SCN8A: variants seen among roughly 807,000 people sequenced by gnomAD.
SCN8A encodes the protein sodium channel protein type 8 subunit alpha.
SCN8A carries 30 observed loss-of-function variants against 184.1 expected under a neutral mutation model. The observed-to-expected ratio is 0.16, with a 90% confidence interval of 0.12 to 0.22. SCN8A has a LOEUF of 0.22. Among genes scored for constraint, SCN8A ranks in the 10% least tolerant of loss-of-function variants. The pLI is 1.00. For missense variants in SCN8A, 1,057 were observed against 2,498.9 expected (o/e 0.42, Z 12.30); for synonymous variants, 852 against 907.0 (o/e 0.94, Z 1.09).
At chr12:51,704,765 G>A (rs1941752477) in intron 9 of SCN8A, among the ~76,000 whole-genome samples, 1 of 151,058 alleles carries the variant, frequency 6.6e-6, no homozygotes, top group Non-Finnish European at 1.5e-5. Context: ...ATGAGGTCAG[G>A]AGCTCAAGAC....
intron 13 of SCN8A, among the ~76,000 whole-genome samples, chr12:51,748,657 A>C (rs897740061): frequency 2.0e-5 from 3 of 152,216 alleles, no homozygotes; most frequent in African/African-American, 7.2e-5. Flanking sequence ...AACAATTCCA[A>C]AAACTCCCCT....
At chr12:51,712,770 A>C (rs969531802) in intron 11 of SCN8A, 31 of 1,181,616 alleles carry the variant, frequency 2.6e-5, no homozygotes, top group Non-Finnish European at 3.8e-5. Flanking sequence ...AACCAGGACC[A>C]CCAGCATAGT....
intron 26 of SCN8A, among the ~76,000 whole-genome samples, chr12:51,796,749 G>C (rs2138923582): frequency 1.3e-5 from 2 of 152,264 alleles, no homozygotes; most frequent in Admixed American, 1.3e-4. Flanking sequence ...CTTTGGTCTG[G>C]CCAAAGGCCA....
intron 1 of SCN8A, among the ~76,000 whole-genome samples, chr12:51,634,277 G>A (rs182920058): frequency 2.0e-5 from 3 of 152,288 alleles, no homozygotes; most frequent in Admixed American, 6.5e-5. Context: ...TGTTTATATG[G>A]CAATAATACA....
At chr12:51,653,189 AGGCACCTGTAGTCCCAGCTACTTG>A (rs1940753831) in intron 1 of SCN8A, among the ~76,000 whole-genome samples, 1 of 152,118 alleles carries the variant, frequency 6.6e-6, no homozygotes, top group Non-Finnish European at 1.5e-5. Flanking sequence ...GTGTGGTGGC[AGGCACCTGTAGTCCCAGCTACTTG>A]GGAGGCTGAG....
chr12:51,642,058 C>G (rs1490629766), intron 1 of SCN8A, among the ~76,000 whole-genome samples: 1 of 151,986 alleles, frequency 6.6e-6, no homozygotes, highest in Non-Finnish European at 1.5e-5. Flanking sequence ...TTTTTTCTTT[C>G]TCCTGCACCA....
At chr12:51,717,491 A>G (rs1487631986) in intron 11 of SCN8A, among the ~76,000 whole-genome samples, 2 of 152,230 alleles carry the variant, frequency 1.3e-5, no homozygotes, top group African/African-American at 4.8e-5. Context: ...TTGCAGACCA[A>G]TAACAAGTCA....
intron 1 of SCN8A, among the ~76,000 whole-genome samples, chr12:51,621,363 A>G (rs1394770722): frequency 1.3e-5 from 2 of 152,204 alleles, no homozygotes; most frequent in Admixed American, 6.5e-5. Context: ...TACGTGGTCA[A>G]TGTACGTCTT....
intron 1 of SCN8A, among the ~76,000 whole-genome samples, chr12:51,617,740 G>C (rs532739017): frequency 6.6e-6 from 1 of 152,270 alleles, no homozygotes; most frequent in East Asian, 1.9e-4. Context: ...TTGCTTATTT[G>C]TTTTAGCAGG....
At chr12:51,666,837 A>G (rs1941043447) in intron 2 of SCN8A, among the ~76,000 whole-genome samples, 2 of 152,136 alleles carry the variant, frequency 1.3e-5, no homozygotes, top group South Asian at 4.1e-4. Context: ...ACTGTTATTT[A>G]TTCCAGCTGG....
chr12:51,739,913 A>G (rs1200223767), intron 12 of SCN8A, among the ~76,000 whole-genome samples: 3 of 152,262 alleles, frequency 2.0e-5, no homozygotes, highest in Middle Eastern at 3.2e-3. Context: ...CCGCGTATTT[A>G]TTAACAGCAA....
In SCN8A at chr12:51,781,675, C is replaced by T. The variant is rs540712739; in HGVS notation, c.3942+904C>T. Among the ~76,000 whole-genome samples, 31 of 152,198 alleles carry T rather than the reference C, an allele frequency of 2.0e-4. 6 individuals carry two copies. The highest frequency in any genetic ancestry group is 7.5e-4 in the African/African-American group (31 of 41,538). On this transcript the variant is annotated intron_variant, in intron 21 of 26. Coordinates refer to ENST00000627620, the MANE Select transcript of SCN8A (RefSeq NM_001330260.2). ...GCGCACGCACGCGCACACACACACA[C>T]TAAAAAGTCAATTTCTTAAAATCAA...
chr12:51,697,865 T>C (rs922563934), intron 6 of SCN8A, among the ~76,000 whole-genome samples: 1 of 152,252 alleles, frequency 6.6e-6, no homozygotes, highest in African/African-American at 2.4e-5. Context: ...TGTTTTGTTT[T>C]TGAGACGGAG....
chr12:51,705,294 C>A, intron 9 of SCN8A, 123 bp from the exon 10 acceptor site: 2 of 801,664 alleles, frequency 2.5e-6, no homozygotes, highest in East Asian at 5.3e-5. Flanking sequence ...AGGAGTACTG[C>A]ACAAGGAAAC....
chr12:51,637,315 G>A (rs4761824), intron 1 of SCN8A, among the ~76,000 whole-genome samples: 39,235 of 152,042 alleles, frequency 0.26, 6,050 homozygotes, highest in Non-Finnish European at 0.35. Flanking sequence ...AAAAGGAAGA[G>A]TTGCACATCT....
At chr12:51,780,558 T>G in intron 20 of SCN8A, 91 bp from the exon 21 acceptor site, 2 of 738,018 alleles carry the variant, frequency 2.7e-6, no homozygotes, top group Non-Finnish European at 3.6e-6. Context: ...GAACCTCTGT[T>G]TTCTTTCTTT....
At chr12:51,715,981 G>A (rs999044479) in intron 11 of SCN8A, among the ~76,000 whole-genome samples, 8 of 152,310 alleles carry the variant, frequency 5.3e-5, no homozygotes, top group Admixed American at 1.3e-4. Context: ...GTGCCCTTAA[G>A]GAGTTTGTAG....
chr12:51,610,812 T>C (rs902130752), intron 1 of SCN8A, among the ~76,000 whole-genome samples: 1 of 152,228 alleles, frequency 6.6e-6, no homozygotes, highest in African/African-American at 2.4e-5. Context: ...TGCTTCTGTC[T>C]CACAGCTGTT....
intron 1 of SCN8A, among the ~76,000 whole-genome samples, chr12:51,659,658 A>C (rs1940890170): frequency 6.6e-6 from 1 of 152,136 alleles, no homozygotes; most frequent in African/African-American, 2.4e-5. Context: ...TTTTAGGGAA[A>C]TGGATCCTTG....
Sources: allele counts gnomAD v4.1 joint callset (sites outside exome capture counted in the v4.1 genomes callset), GRCh38; gene constraint gnomAD v4.1.1; transcripts MANE v1.5; gene names NCBI Gene and HGNC (gene_info 2026-07-23, HGNC 2026-07-21).